The following TAF4B variants were observed in gnomAD, a reference collection of about 807,000 sequenced individuals.
The protein encoded by TAF4B is TATA-box binding protein associated factor 4b.
TAF4B carries 38 observed loss-of-function variants against 86.4 expected under a neutral mutation model. The observed-to-expected ratio is 0.44, with a 90% CI of 0.34 to 0.58. The LOEUF (loss-of-function observed/expected upper bound fraction) is 0.58, where lower values mean the gene tolerates loss of function less well. Ranked by LOEUF, TAF4B falls within the 20% of genes least tolerant of loss-of-function variation. The probability of loss-of-function intolerance (pLI) is 0.02; values close to 1 mark genes in which losing one functional copy is unlikely to be tolerated. For synonymous variants in TAF4B, 388 were observed against 391.2 expected (o/e 0.99, Z 0.10); for missense variants, 988 against 1,027.6 (o/e 0.96, Z 0.53).
chr18:26,271,436 C>G (rs2056317771), intron 3 of TAF4B, among the ~76,000 whole-genome samples: 1 of 152,300 alleles, frequency 6.6e-6, no homozygotes, highest in South Asian at 2.1e-4. Context: ...AATGCTATTT[C>G]ATCTTCTAAA....
intron 13 of TAF4B, among the ~76,000 whole-genome samples, chr18:26,342,281 T>C (rs545939043): frequency 6.6e-6 from 1 of 152,314 alleles, no homozygotes; most frequent in Admixed American, 6.5e-5. Context: ...ACTAACACTT[T>C]CCTTAAGCAT....
At chr18:26,336,404 G>A (rs2057091957) in intron 13 of TAF4B, among the ~76,000 whole-genome samples, 2 of 152,116 alleles carry the variant, frequency 1.3e-5, no homozygotes, top group Admixed American at 6.5e-5. Context: ...TGTAGGAATT[G>A]AGGCAAAACA....
intron 14 of TAF4B, among the ~76,000 whole-genome samples, chr18:26,364,851 A>G (rs2057359806): frequency 6.6e-6 from 1 of 152,122 alleles, no homozygotes; most frequent in South Asian, 2.1e-4. Context: ...TGTAACAATC[A>G]GGTTTACAGC....
At chr18:26,231,200 T>G (rs914403680) in intron 1 of TAF4B, among the ~76,000 whole-genome samples, 4 of 151,146 alleles carry the variant, frequency 2.6e-5, no homozygotes, top group Non-Finnish European at 3.0e-5. Flanking sequence ...CCACCACCCT[T>G]GGCTAATTTT....
At chr18:26,239,852 C>T (rs566899894) in intron 1 of TAF4B, among the ~76,000 whole-genome samples, 8 of 152,296 alleles carry the variant, frequency 5.3e-5, no homozygotes, top group Admixed American at 4.6e-4. Flanking sequence ...GGACTCCTTT[C>T]CCCATTTCTT....
chr18:26,300,812 G>A (rs1598776067), intron 9 of TAF4B, among the ~76,000 whole-genome samples: 2 of 151,492 alleles, frequency 1.3e-5, no homozygotes, highest in African/African-American at 2.4e-5. Context: ...TTTTCAGACT[G>A]TTTCCATCAC....
At chr18:26,290,925 C>A (rs2056583738) in intron 7 of TAF4B, among the ~76,000 whole-genome samples, 1 of 152,090 alleles carries the variant, frequency 6.6e-6, no homozygotes. Flanking sequence ...GTCCCTAGAA[C>A]TATAGTACAT....
chr18:26,370,764 A>T (rs1397386331), intron 14 of TAF4B, among the ~76,000 whole-genome samples: 1 of 152,212 alleles, frequency 6.6e-6, no homozygotes, highest in Non-Finnish European at 1.5e-5. Flanking sequence ...ATATGGACTC[A>T]CCAATAGAGA....
At chr18:26,358,722 TAAAA>T (rs955382206) in intron 14 of TAF4B, among the ~76,000 whole-genome samples, 16 of 151,512 alleles carry the variant, frequency 1.1e-4, no homozygotes, top group African/African-American at 3.4e-4. Flanking sequence ...AAAAATAAAA[TAAAA>T]AAAAGATAAT....
chr18:26,364,611 G>A (rs2057357174), intron 14 of TAF4B, among the ~76,000 whole-genome samples: 1 of 151,798 alleles, frequency 6.6e-6, no homozygotes, highest in Non-Finnish European at 1.5e-5. Flanking sequence ...CAAATATTTT[G>A]CATGCCTTAT....
intron 14 of TAF4B, among the ~76,000 whole-genome samples, chr18:26,380,171 A>G (rs1188806050): frequency 6.6e-6 from 1 of 152,158 alleles, no homozygotes; most frequent in Non-Finnish European, 1.5e-5. Flanking sequence ...AGCACTGGCT[A>G]ACTTCCCCAT....
In TAF4B at chr18:26,283,040, C is replaced by T. The variant is rs79585790; in HGVS notation, c.972+980C>T. Among the ~76,000 whole-genome samples, 453 of 152,328 alleles carry T rather than the reference C, an allele frequency of 3.0e-3. 5 individuals are homozygous for T. The highest frequency in any genetic ancestry group is 0.011 in the African/African-American group (437 of 41,568). Reference sequence around the variant, plus strand: ...TCTAGCATATCTGCAGTGACTTCTTCCACTGAAGTTCTGAACCCCTCATAG... The same window carrying T: ...TCTAGCATATCTGCAGTGACTTCTTTCACTGAAGTTCTGAACCCCTCATAG... On this transcript the variant is annotated intron_variant, in intron 6 of 14. Coordinates refer to ENST00000269142, the MANE Select transcript of TAF4B (RefSeq NM_005640.3).
At chr18:26,346,524 A>G (rs1304853465) in intron 13 of TAF4B, among the ~76,000 whole-genome samples, 1 of 151,776 alleles carries the variant, frequency 6.6e-6, no homozygotes, top group Admixed American at 6.6e-5. Context: ...AAGTAGATTC[A>G]TCCCAAACAA....
chr18:26,258,647 G>A (rs2144519707), intron 1 of TAF4B, among the ~76,000 whole-genome samples: 1 of 152,166 alleles, frequency 6.6e-6, no homozygotes, highest in East Asian at 1.9e-4. Context: ...TTCATTTAGT[G>A]TTTTTTGTAT....
At chr18:26,344,129 C>T (rs2057157481) in intron 13 of TAF4B, among the ~76,000 whole-genome samples, 1 of 151,956 alleles carries the variant, frequency 6.6e-6, no homozygotes, top group East Asian at 1.9e-4. Context: ...ACGACAATAA[C>T]CAAAATAAAA....
chr18:26,301,369 C>T (rs959414930), intron 9 of TAF4B, among the ~76,000 whole-genome samples: 10 of 151,960 alleles, frequency 6.6e-5, no homozygotes, highest in Non-Finnish European at 1.0e-4. Context: ...TCACTGCAGC[C>T]TTGAACTTCT....
chr18:26,381,294 C>T (rs900545659), intron 14 of TAF4B, among the ~76,000 whole-genome samples: 1 of 151,724 alleles, frequency 6.6e-6, no homozygotes, highest in African/African-American at 2.4e-5. Context: ...GGGTAACAGG[C>T]GTGAGCCACT....
rs565476382 is a variant in TAF4B at position 26,231,188 on chromosome 18, C to T, written c.343+3912C>T. ...CTGAGTACCTGGGATTACAGGCATG[C>T]GCCACCACCCTTGGCTAATTTTTGT... On this transcript the variant is annotated intron_variant, in intron 1 of 14. Transcript: ENST00000269142. Among the ~76,000 whole-genome samples the T allele has an allele frequency of 2.1e-4, 31 of 150,664 alleles. No individual in the cohort carries two copies. The South Asian group carries it at 2.3e-3, about 11-fold the overall frequency.
chr18:26,274,718 C>CTG lies in TAF4B; in HGVS notation c.655_656dup (p.Thr220Ter), dbSNP rs775885355. On this transcript the variant is annotated frameshift_variant, in exon 4 of 15. Coordinates refer to ENST00000269142, the MANE Select transcript of TAF4B (RefSeq NM_005640.3). LOFTEE classifies it high-confidence loss of function. ...GTTACTCCTGGAAAGCCATTGAATA[C>CTG]TGTAACTACCCTGAAGCCTTCAAGT... is the stretch of plus-strand genomic sequence containing the variant. 2.4e-5 allele frequency: 39 copies of CTG among 1,614,170 alleles called. No individual in the cohort carries two copies. Among genetic ancestry groups the CTG allele is most frequent in the Non-Finnish European group, 3.2e-5 (38 of 1,180,026 alleles).
Sources: gnomAD v4.1 joint callset for allele counts (sites outside exome capture counted in the v4.1 genomes callset) on GRCh38, gnomAD v4.1.1 for gene constraint, MANE v1.5 for transcripts, NCBI Gene and HGNC (gene_info 2026-07-23, HGNC 2026-07-21) for gene names.